Variants in RYR3 observed in about 807,000 individuals in gnomAD.
The protein encoded by RYR3 is brain ryanodine receptor-calcium release channel.
RYR3 carries 207 observed loss-of-function variants against 584.3 expected under a neutral mutation model. The ratio of observed to expected loss-of-function variants is 0.35; its 90% CI spans 0.32 to 0.40. The LOEUF (loss-of-function observed/expected upper bound fraction) is 0.40, where lower values mean the gene tolerates loss of function less well. RYR3 is among the 10% of genes least tolerant of loss of function. The pLI, the probability that RYR3 is intolerant of heterozygous loss-of-function variation, is 1.00. For synonymous variants in RYR3, 2,416 were observed against 2,248.5 expected, an observed-to-expected ratio of 1.07 and a Z score of -2.11; for missense variants, 5,616 against 6,089.2, an observed-to-expected ratio of 0.92 and a Z score of 2.59.
At chr15:33,612,865 C>T (rs2060266076) in intron 18 of RYR3, among the ~76,000 whole-genome samples, 1 of 152,184 alleles carries the variant, frequency 6.6e-6, no homozygotes, top group Non-Finnish European at 1.5e-5. Context: ...CTTCAGACAC[C>T]AGGCCACAGT....
At chr15:33,660,893 A>G (rs530582614) in intron 34 of RYR3, among the ~76,000 whole-genome samples, 2 of 151,960 alleles carry the variant, frequency 1.3e-5, no homozygotes, top group Non-Finnish European at 2.9e-5. Flanking sequence ...TGCTCTTTTC[A>G]TCTACACAGT....
Position 33,812,913 on chromosome 15 carries a change from G to C in RYR3, c.10308G>C (p.Leu3436=), listed in dbSNP as rs2076625077. 2 of 1,614,008 alleles carry C rather than the reference G, an allele frequency of 1.2e-6. No homozygotes were observed. Among genetic ancestry groups the C allele is most frequent in the African/African-American group, 1.3e-5 (1 of 75,054 alleles). The change falls in exon 73 of 104, where the codon CTG becomes CTC. Residue 3436 remains leucine, a synonymous_variant. Coordinates refer to ENST00000634891, the MANE Select transcript of RYR3 (RefSeq NM_001036.6). ...AACTGAACCTCTACAAGGATGTTCT[G>C]AAGAGTGAAGAACCTTTCAATCCGG... ...KWQLNLYKDV[L]KSEEPFNPEK...
At chr15:33,592,198 T>C (rs2059163420) in intron 16 of RYR3, among the ~76,000 whole-genome samples, 1 of 152,240 alleles carries the variant, frequency 6.6e-6, no homozygotes, top group South Asian at 2.1e-4. Flanking sequence ...TTTTCTCATA[T>C]GACTCTCCAA....
rs2066154331 is a variant in RYR3, at chr15:33,699,673, T to G, written c.6250-31T>G. ...TCAGAAAGGCCTCATGATAGATTCT[T>G]TTGTCTGACACTTTCTACTTCTCCC... On this transcript the variant is annotated intron_variant, in intron 40 of 103. Coordinates refer to ENST00000634891, the MANE Select transcript of RYR3 (RefSeq NM_001036.6). 4 of 1,604,584 alleles carry G rather than the reference T, an allele frequency of 2.5e-6. No individual in the cohort carries two copies. In the East Asian group the frequency reaches 9.0e-5, roughly 36 times the overall value.
chr15:33,519,637 T>C (rs2053816667), intron 3 of RYR3, among the ~76,000 whole-genome samples: 1 of 149,872 alleles, frequency 6.7e-6, no homozygotes, highest in South Asian at 2.1e-4. Context: ...TTTTTTTTTT[T>C]CTTCTTTTGT....
chr15:33,396,082 C>T (rs148931609), intron 1 of RYR3, among the ~76,000 whole-genome samples: 39 of 152,188 alleles, frequency 2.6e-4, no homozygotes, highest in Middle Eastern at 3.4e-3. Flanking sequence ...ACAGACACTT[C>T]GGATTCATGC....
chr15:33,322,744 T>TA (rs1035578982), intron 1 of RYR3, among the ~76,000 whole-genome samples: 1 of 152,098 alleles, frequency 6.6e-6, no homozygotes, highest in Non-Finnish European at 1.5e-5. Context: ...CTGAATGTCC[T>TA]AGTTCTCTCT....
chr15:33,790,193 C>T (rs1327654779), intron 67 of RYR3, among the ~76,000 whole-genome samples: 1 of 151,622 alleles, frequency 6.6e-6, no homozygotes, highest in Non-Finnish European at 1.5e-5. Context: ...CAGGGTTTCA[C>T]CATGTTAGCC....
At chr15:33,721,415 C>G (rs1039181213) in intron 43 of RYR3, among the ~76,000 whole-genome samples, 1 of 152,202 alleles carries the variant, frequency 6.6e-6, no homozygotes, top group Admixed American at 6.5e-5. Context: ...TGCAAGATAA[C>G]AAATATTTAT....
intron 10 of RYR3, among the ~76,000 whole-genome samples, chr15:33,556,148 TC>T (rs1446936007): frequency 2.0e-5 from 3 of 152,200 alleles, no homozygotes; most frequent in African/African-American, 7.2e-5. Flanking sequence ...GTGCCTACAG[TC>T]CTGTATTGTA....
chr15:33,831,761 C>T (rs1040039928), intron 86 of RYR3, among the ~76,000 whole-genome samples: 8 of 151,992 alleles, frequency 5.3e-5, no homozygotes, highest in Non-Finnish European at 4.4e-5. Flanking sequence ...AATTAGTAGG[C>T]GTATCATTAC....
intron 1 of RYR3, among the ~76,000 whole-genome samples, chr15:33,425,279 C>T (rs1176690933): frequency 1.3e-5 from 2 of 152,184 alleles, no homozygotes; most frequent in Non-Finnish European, 2.9e-5. Context: ...CTTGCTTGTC[C>T]TGTGGCTTTG....
At chr15:33,677,378 C>T (rs2064254465) in intron 38 of RYR3, among the ~76,000 whole-genome samples, 1 of 152,186 alleles carries the variant, frequency 6.6e-6, no homozygotes, top group Non-Finnish European at 1.5e-5. Context: ...CTGAGTCCTT[C>T]GCTGTGCCAT....
chr15:33,688,357 G>C (rs935850498), intron 38 of RYR3, among the ~76,000 whole-genome samples: 3 of 151,894 alleles, frequency 2.0e-5, no homozygotes. Context: ...GGCAGATCAC[G>C]AGACAGGAGA....
chr15:33,535,305 C>T (rs1185343483), intron 5 of RYR3, among the ~76,000 whole-genome samples: 1 of 152,208 alleles, frequency 6.6e-6, no homozygotes, highest in Admixed American at 6.5e-5. Context: ...ATGTCTTGCA[C>T]AATGGTGTCC....
chr15:33,819,643 C>T (rs2076999824), intron 76 of RYR3, 113 bp from the exon 77 acceptor site: 2 of 639,014 alleles, frequency 3.1e-6, no homozygotes, highest in East Asian at 1.1e-4. Flanking sequence ...CATTGCACTC[C>T]AGCCTAGGGG....
chr15:33,493,044 C>T (rs1258683540), intron 2 of RYR3, among the ~76,000 whole-genome samples: 1 of 152,124 alleles, frequency 6.6e-6, no homozygotes, highest in Admixed American at 6.5e-5. Context: ...AGAGGCAAAG[C>T]TCATTTGTGT....
rs185921237 is a variant in RYR3 at position 33,749,941 on chromosome 15, T to G, written c.8200-38T>G. The G allele has an allele frequency of 1.9e-5, 31 of 1,592,152 alleles. No homozygotes were observed. The South Asian group carries it at 2.3e-4, about 12-fold the overall frequency. On this transcript the variant is annotated intron_variant, in intron 55 of 103. Transcript: ENST00000634891. ...AGCTATGAAGCCAGCTTGCCTGCTTTCTTTCTTTTTGACTTGGCTCTTCTT... is the reference window on the plus strand; with the variant it reads ...AGCTATGAAGCCAGCTTGCCTGCTTGCTTTCTTTTTGACTTGGCTCTTCTT...
At chr15:33,754,679 A>G (rs1052045056) in intron 57 of RYR3, among the ~76,000 whole-genome samples, 9 of 152,220 alleles carry the variant, frequency 5.9e-5, no homozygotes, top group Non-Finnish European at 1.3e-4. Context: ...GTTCTGGACC[A>G]GTCTGGACCT....
Sources: gnomAD v4.1 joint callset for allele counts (sites outside exome capture counted in the v4.1 genomes callset) on GRCh38, gnomAD v4.1.1 for gene constraint, MANE v1.5 for transcripts, NCBI Gene and HGNC (gene_info 2026-07-23, HGNC 2026-07-21) for gene names.